CAGE1: variants seen among roughly 807,000 people sequenced by gnomAD.
CAGE1 encodes the protein cancer antigen 1.
CAGE1 carries 66 observed loss-of-function variants against 94.9 expected under a neutral mutation model. The ratio of observed to expected loss-of-function variants is 0.70; its 90% CI spans 0.57 to 0.85. The LOEUF (loss-of-function observed/expected upper bound fraction) is 0.85. Among genes scored for constraint, CAGE1 ranks in the 40% least tolerant of loss-of-function variants. CAGE1 has a pLI of 0.00. For synonymous variants in CAGE1, 319 were observed against 321.0 expected (o/e 0.99, Z 0.07); for missense variants, 865 against 950.4 (o/e 0.91, Z 1.18).
chr6:7,366,261 A>G (rs1168112694), intron 7 of CAGE1, among the ~76,000 whole-genome samples: 1 of 152,028 alleles, frequency 6.6e-6, no homozygotes, highest in Non-Finnish European at 1.5e-5. Flanking sequence ...AAAAAAAAAA[A>G]AAATCAAACC....
chr6:7,350,666 G>A (rs1355885282), intron 11 of CAGE1, among the ~76,000 whole-genome samples: 1 of 152,108 alleles, frequency 6.6e-6, no homozygotes, highest in East Asian at 1.9e-4. Context: ...TGAGCATTGG[G>A]TCAAAAATGA....
Position 7,387,158 on chromosome 6 carries a change from G to T in CAGE1, c.16C>A (p.Gln6Lys), listed in dbSNP as rs369251036. The T allele has an allele frequency of 2.6e-6, 4 of 1,550,510 alleles. No individual in the cohort carries two copies. The African/African-American group carries it at 5.5e-5, about 21-fold the overall frequency. The change falls in exon 2 of 14, where the codon CAA (glutamine) becomes AAA (lysine). Residue 6 changes from glutamine (Q) to lysine (K), a missense_variant. Transcript: ENST00000502583. ...TCTGAAGGTGATGACCAAAATTTTT[G>T]ATAGTCCTTGTTCATAACTGTTGAA... Reference protein sequence around the residue: MNKDYQKFWSSPSDPV... With the variant: MNKDYKKFWSSPSDPV...
intron 6 of CAGE1, 87 bp downstream of exon 6, chr6:7,369,832 C>T: frequency 7.7e-7 from 1 of 1,299,784 alleles, no homozygotes; most frequent in Non-Finnish European, 1.0e-6. Flanking sequence ...TCTTCCACAA[C>T]TTAATTCCTT....
At position 7,328,873 on chromosome 6, in the gene CAGE1, AGTGTGTGTGTGTGTGTGTGTGTGT is replaced by A. The variant is rs545926619; in HGVS notation, c.2478+952_2478+975del. ...TGGAAGTACTACTCTGTATCTTATA[AGTGTGTGTGTGTGTGTGTGTGTGT>A]GTGTGTGTGTGTGTGTGTGTGTATA... On this transcript the variant is annotated intron_variant, in intron 13 of 13. Transcript: ENST00000502583. 1.3e-4 allele frequency among the ~76,000 whole-genome samples: 14 copies of A among 105,408 alleles called. 1 individual carries two copies. Among genetic ancestry groups the A allele is most frequent in the African/African-American group, 4.2e-4 (12 of 28,278 alleles). 69.2% of individuals were successfully genotyped at this position (105,408 alleles called of 152,430 possible). A position where few individuals can be genotyped will look rare whatever the true frequency, so the allele number is the denominator to read the frequency against.
At chr6:7,377,769 A>G (rs1395315282) in intron 4 of CAGE1, among the ~76,000 whole-genome samples, 1 of 152,034 alleles carries the variant, frequency 6.6e-6, no homozygotes, top group Non-Finnish European at 1.5e-5. Context: ...AAAAGAGAAA[A>G]GGTATTACTT....
intron 1 of CAGE1, among the ~76,000 whole-genome samples, chr6:7,387,816 G>A (rs1305591965): frequency 2.0e-5 from 3 of 147,394 alleles, no homozygotes; most frequent in Non-Finnish European, 4.5e-5. Flanking sequence ...TCAGGAGATC[G>A]AGATCATCCT....
chr6:7,382,046 G>C (rs1261065490), intron 3 of CAGE1, among the ~76,000 whole-genome samples: 2 of 151,056 alleles, frequency 1.3e-5, no homozygotes, highest in African/African-American at 4.9e-5. Flanking sequence ...CACCGTGTTA[G>C]CCAGGATTGC....
Position 7,346,664 on chromosome 6 carries a change from C to T in CAGE1, c.2369+8377G>A, listed in dbSNP as rs570368029. Reference sequence around the variant, plus strand: ...AAGTTAGAGACCAGCCTGGCCAACACGGCAAAACCCTGTCTCTACTGAAAA... The same window carrying T: ...AAGTTAGAGACCAGCCTGGCCAACATGGCAAAACCCTGTCTCTACTGAAAA... On this transcript the variant is annotated intron_variant, in intron 11 of 13. Transcript: ENST00000502583. 2.6e-5 allele frequency among the ~76,000 whole-genome samples: 4 copies of T among 151,768 alleles called. No homozygotes were observed. The South Asian group carries it at 6.2e-4, about 24-fold the overall frequency.
At chr6:7,383,697 T>C (rs6930732) in intron 3 of CAGE1, among the ~76,000 whole-genome samples, 33,820 of 152,132 alleles carry the variant, frequency 0.22, 3,872 homozygotes, top group Non-Finnish European at 0.25. Context: ...TGAATGGGGA[T>C]GTTAGGATTA....
chr6:7,369,890 T>C, intron 6 of CAGE1, 29 bp downstream of exon 6: 1 of 1,575,326 alleles, frequency 6.3e-7, no homozygotes, highest in Non-Finnish European at 8.6e-7. Context: ...CCTCCCCTAC[T>C]AAAATATCTA....
rs1760303490 is a variant in CAGE1 at position 7,365,595 on chromosome 6, T to A, written c.2086-20A>T. On this transcript the variant is annotated intron_variant, in intron 8 of 13. Coordinates refer to ENST00000502583, the MANE Select transcript of CAGE1 (RefSeq NM_001170692.2). The stretch of plus-strand genomic sequence containing the variant: ...TATGACCTGAGATTAAATATATTTG[T>A]TCTCACTTTCAATCATTTCATACTC... The A allele has an allele frequency of 1.3e-6, 2 of 1,593,570 alleles. No individual in the cohort carries two copies. Among genetic ancestry groups the A allele is most frequent in the African/African-American group, 1.3e-5 (1 of 74,636 alleles).
intron 8 of CAGE1, 98 bp from the exon 9 acceptor site, chr6:7,365,673 T>C: frequency 7.0e-7 from 1 of 1,430,358 alleles, no homozygotes; most frequent in Non-Finnish European, 9.6e-7. Flanking sequence ...AAAGAGATTA[T>C]CAGTGGCTGG....
At chr6:7,371,166 T>C (rs1055691955) in intron 5 of CAGE1, among the ~76,000 whole-genome samples, 57 of 152,284 alleles carry the variant, frequency 3.7e-4, no homozygotes, top group African/African-American at 1.3e-3. Context: ...AACTGGGATC[T>C]TGCTAGAAAT....
rs548266517 is a variant in CAGE1 at position 7,343,288 on chromosome 6, A to G, written c.2370-9198T>C. Among the ~76,000 whole-genome samples the G allele has an allele frequency of 5.3e-5, 8 of 152,266 alleles. No homozygotes were observed. In the East Asian group the frequency reaches 1.2e-3, roughly 22 times the overall value. Reference sequence around the variant, plus strand: ...GGGCAGTACTAATGTTGTTTTTACTATATACTGAAATGCAGCTTTCTGTGG... The same window carrying G: ...GGGCAGTACTAATGTTGTTTTTACTGTATACTGAAATGCAGCTTTCTGTGG... On this transcript the variant is annotated intron_variant, in intron 11 of 13. Transcript: ENST00000502583.
intron 3 of CAGE1, among the ~76,000 whole-genome samples, chr6:7,380,768 T>C (rs184460093): frequency 6.6e-6 from 1 of 152,354 alleles, no homozygotes; most frequent in East Asian, 1.9e-4. Context: ...TTTAAGTTGC[T>C]TCTAATTTTG....
At chr6:7,345,917 T>TC (rs1395455300) in intron 11 of CAGE1, among the ~76,000 whole-genome samples, 2 of 151,466 alleles carry the variant, frequency 1.3e-5, no homozygotes, top group Non-Finnish European at 3.0e-5. Context: ...AGAACGAGAG[T>TC]CCATCTCAAA....
At chr6:7,358,028 ATATATATATATATATATATATATATAT>A (rs1561858053) in intron 9 of CAGE1, among the ~76,000 whole-genome samples, 2,273 of 66,936 alleles carry the variant, frequency 0.034, 151 homozygotes, top group African/African-American at 0.12. Context: ...AAGTTTTGAG[ATATATATATATATATATATATATATAT>A]ATATATATAT....
At chr6:7,340,010 G>A (rs1262294496) in intron 11 of CAGE1, among the ~76,000 whole-genome samples, 1 of 152,136 alleles carries the variant, frequency 6.6e-6, no homozygotes, top group East Asian at 1.9e-4. Context: ...TTTCCACAGT[G>A]GTTATACTAG....
intron 2 of CAGE1, among the ~76,000 whole-genome samples, chr6:7,386,381 AG>A (rs1358935267): frequency 1.3e-5 from 2 of 152,218 alleles, no homozygotes; most frequent in African/African-American, 4.8e-5. Context: ...TTTTTAATAA[AG>A]GGAGCTAGGC....
Sources: gnomAD v4.1 joint callset for allele counts (sites outside exome capture counted in the v4.1 genomes callset) on GRCh38, gnomAD v4.1.1 for gene constraint, MANE v1.5 for transcripts, NCBI Gene and HGNC (gene_info 2026-07-23, HGNC 2026-07-21) for gene names.